The following ZBBX variants were observed in gnomAD, a reference collection of about 807,000 sequenced individuals.
The protein encoded by ZBBX is zinc finger B-box domain containing, also known as zinc finger B-box domain-containing protein 1.
Under a neutral mutation model 108.5 loss-of-function variants are expected in ZBBX, and 101 were observed. That is an observed-to-expected ratio of 0.93 (90% CI 0.79 to 1.10). ZBBX has a LOEUF of 1.10. Among genes scored for constraint, ZBBX ranks in the 50% least tolerant of loss-of-function variants. ZBBX has a pLI of 0.00. For missense variants in ZBBX, 1,009 were observed against 941.4 expected (o/e 1.07, Z -0.94); for synonymous variants, 356 against 323.4 (o/e 1.10, Z -1.08).
intron 19 of ZBBX, among the ~76,000 whole-genome samples, chr3:167,283,000 T>C (rs562759124): frequency 1.9e-4 from 29 of 152,296 alleles, no homozygotes; most frequent in African/African-American, 7.0e-4. Flanking sequence ...AAGAGACTAA[T>C]TTACAAAATC....
At chr3:167,350,336 TAGATAACTA>T in intron 9 of ZBBX, 75 bp downstream of exon 9, 1 of 1,023,972 alleles carries the variant, frequency 9.8e-7, no homozygotes, top group Non-Finnish European at 1.4e-6. Context: ...TCCTGAGTTC[TAGATAACTA>T]AAGACATTTT....
At chr3:167,317,206 G>GTATC (rs1735618604) in intron 13 of ZBBX, 101 bp from the exon 14 acceptor site, 1 of 745,628 alleles carries the variant, frequency 1.3e-6, no homozygotes. Context: ...GTTCTCATGT[G>GTATC]TATCTACACA....
chr3:167,343,308 G>T (rs553575283), intron 9 of ZBBX, among the ~76,000 whole-genome samples: 1 of 151,748 alleles, frequency 6.6e-6, no homozygotes, highest in East Asian at 1.9e-4. Context: ...GCCATCTCTG[G>T]GTTAAGCCCC....
intron 5 of ZBBX, chr3:167,366,877 G>A (rs922827143): frequency 2.2e-6 from 1 of 456,026 alleles, no homozygotes; most frequent in African/African-American, 2.0e-5. Context: ...AAAAGAATTG[G>A]CCACTGGGTC....
chr3:167,235,870 A>G (rs1278329343), downstream of ZBBX, among the ~76,000 whole-genome samples: 2 of 151,658 alleles, frequency 1.3e-5, no homozygotes, highest in East Asian at 3.9e-4. Context: ...ACAAACAATC[A>G]TGGTGTCACT....
At chr3:167,211,588 A>C in the ZBBX span, among the ~76,000 whole-genome samples, 1 of 152,062 alleles carries the variant, frequency 6.6e-6, no homozygotes, top group Non-Finnish European at 1.5e-5. Context: ...TCCCAGGGGG[A>C]GGGAAAGGCT....
At chr3:167,384,881 A>C (rs1315714712), upstream of ZBBX, among the ~76,000 whole-genome samples, 1 of 152,066 alleles carries the variant, frequency 6.6e-6, no homozygotes, top group Non-Finnish European at 1.5e-5. Context: ...AAAAAAGAAG[A>C]ACTAGCACTG....
At chr3:167,214,259 CATA>C in the ZBBX span, among the ~76,000 whole-genome samples, 1 of 152,022 alleles carries the variant, frequency 6.6e-6, no homozygotes, top group African/African-American at 2.4e-5. Context: ...CCATCTTACA[CATA>C]ATGACACCCA....
At chr3:167,406,353 C>A (rs1368059158) in intron 1 of ZBBX, among the ~76,000 whole-genome samples, 3 of 152,236 alleles carry the variant, frequency 2.0e-5, no homozygotes, top group African/African-American at 4.8e-5. Flanking sequence ...TGGAGACACT[C>A]CCCAGGGAAC....
chr3:167,234,953 G>A (rs555803473), downstream of ZBBX, among the ~76,000 whole-genome samples: 14 of 151,776 alleles, frequency 9.2e-5, no homozygotes, highest in South Asian at 8.3e-4. Flanking sequence ...GGAACTCATC[G>A]TGACGGCTAA....
At chr3:167,290,085 T>C (rs1180131601) in intron 18 of ZBBX, among the ~76,000 whole-genome samples, 1 of 152,140 alleles carries the variant, frequency 6.6e-6, no homozygotes, top group Non-Finnish European at 1.5e-5. Flanking sequence ...GACTTATAGA[T>C]AAAACCTCTA....
At chr3:167,354,871 A>T (rs1032621812) in intron 8 of ZBBX, among the ~76,000 whole-genome samples, 1 of 151,984 alleles carries the variant, frequency 6.6e-6, no homozygotes, top group African/African-American at 2.4e-5. Flanking sequence ...TGTAGACTGG[A>T]AGATCAATGC....
At chr3:167,198,956 T>C in the ZBBX span, among the ~76,000 whole-genome samples, 2 of 152,174 alleles carry the variant, frequency 1.3e-5, no homozygotes, top group Admixed American at 6.5e-5. Flanking sequence ...TTTTAAAACA[T>C]AAAGTTTTAA....
At chr3:167,245,238 C>T (rs1303366965) in intron 20 of ZBBX, among the ~76,000 whole-genome samples, 1 of 152,158 alleles carries the variant, frequency 6.6e-6, no homozygotes, top group African/African-American at 2.4e-5. Context: ...ACAGTGAAAC[C>T]CCGTCTCTAC....
chr3:167,179,887 A>G, the ZBBX span, among the ~76,000 whole-genome samples: 5 of 152,342 alleles, frequency 3.3e-5, no homozygotes. Flanking sequence ...AATACCCACA[A>G]AGTCAAATAA....
chr3:167,294,158 T>G (rs946920838), intron 18 of ZBBX, among the ~76,000 whole-genome samples: 1 of 151,988 alleles, frequency 6.6e-6, no homozygotes, highest in Non-Finnish European at 1.5e-5. Flanking sequence ...CCCCATCAAG[T>G]TAACATTAAC....
intron 1 of ZBBX, among the ~76,000 whole-genome samples, chr3:167,404,630 A>G (rs748029206): frequency 3.3e-4 from 50 of 152,314 alleles, no homozygotes; most frequent in Non-Finnish European, 5.7e-4. Context: ...AACAGACAGC[A>G]GGTGCATTTC....
chr3:167,202,614 A>C, the ZBBX span, among the ~76,000 whole-genome samples: 16 of 152,294 alleles, frequency 1.1e-4, no homozygotes, highest in African/African-American at 3.6e-4. Flanking sequence ...TAAAAAGGAA[A>C]ACTTGAAAAT....
intron 9 of ZBBX, among the ~76,000 whole-genome samples, chr3:167,346,373 G>A (rs370161240): frequency 5.9e-5 from 9 of 151,950 alleles, no homozygotes; most frequent in Admixed American, 2.0e-4. Flanking sequence ...TAGTCAACAT[G>A]TAAATATTTG....
Sources: allele counts gnomAD v4.1 joint callset (sites outside exome capture counted in the v4.1 genomes callset), GRCh38; gene constraint gnomAD v4.1.1; transcripts MANE v1.5; gene names NCBI Gene and HGNC (gene_info 2026-07-23, HGNC 2026-07-21).